Variants in KAZN observed in about 807,000 individuals in gnomAD.
KAZN encodes the protein kazrin.
A neutral mutation model predicts 87.4 loss-of-function variants in KAZN; 40 were observed. That is an observed-to-expected ratio of 0.46 (90% CI 0.36 to 0.60). KAZN has a LOEUF of 0.60. Among genes scored for constraint, KAZN ranks in the 20% least tolerant of loss-of-function variants. The pLI, the probability that KAZN is intolerant of heterozygous loss-of-function variation, is 0.00. For missense variants in KAZN, 898 were observed against 1,073.9 expected (o/e 0.84, Z 2.29); for synonymous variants, 466 against 458.3 (o/e 1.02, Z -0.22).
At chr1:14,761,597 A>G (rs1644740212) in intron 1 of KAZN, among the ~76,000 whole-genome samples, 1 of 152,216 alleles carries the variant, frequency 6.6e-6, no homozygotes, top group African/African-American at 2.4e-5. Context: ...TGAACCACGG[A>G]AAACATTAGA....
intron 1 of KAZN, among the ~76,000 whole-genome samples, chr1:14,886,538 T>C (rs1167161119): frequency 6.6e-6 from 1 of 151,962 alleles, no homozygotes; most frequent in African/African-American, 2.4e-5. Context: ...ACGCCTGTAA[T>C]CCCAGCACTT....
intron 1 of KAZN, among the ~76,000 whole-genome samples, chr1:13,997,179 A>T (rs1044538273): frequency 2.7e-5 from 4 of 150,634 alleles, no homozygotes; most frequent in African/African-American, 7.5e-5. Flanking sequence ...ATCATCAACA[A>T]CAACAACAAC....
intron 2 of KAZN, among the ~76,000 whole-genome samples, chr1:14,530,367 T>C (rs749026792): frequency 3.2e-4 from 49 of 152,210 alleles, no homozygotes; most frequent in Non-Finnish European, 6.9e-4. Context: ...GACTGCAGCC[T>C]TCCTAAGCCA....
chr1:14,569,524 G>A (rs553454981), intron 2 of KAZN, among the ~76,000 whole-genome samples: 22 of 151,360 alleles, frequency 1.5e-4, no homozygotes, highest in African/African-American at 4.8e-4. Flanking sequence ...GGGTTTCACC[G>A]TGTTAGCCAG....
intron 2 of KAZN, among the ~76,000 whole-genome samples, chr1:14,354,677 CACACACACACAA>C (rs1265334839): frequency 3.3e-5 from 5 of 150,182 alleles, no homozygotes; most frequent in Admixed American, 3.3e-4. Context: ...CACACACACA[CACACACACACAA>C]ACAAACCTGA....
intron 1 of KAZN, among the ~76,000 whole-genome samples, chr1:13,936,678 ATTC>A (rs2100954687): frequency 6.6e-6 from 1 of 152,288 alleles, no homozygotes; most frequent in African/African-American, 2.4e-5. Flanking sequence ...CTCCAGCTCT[ATTC>A]TTGTTGCTGC....
intron 1 of KAZN, among the ~76,000 whole-genome samples, chr1:14,663,499 T>A (rs2148720147): frequency 6.6e-6 from 1 of 152,312 alleles, no homozygotes; most frequent in South Asian, 2.1e-4. Context: ...TTCAGAGGTG[T>A]CTTTCTAGTA....
At chr1:15,038,988 G>A (rs998396419) in intron 3 of KAZN, among the ~76,000 whole-genome samples, 2 of 150,500 alleles carry the variant, frequency 1.3e-5, no homozygotes, top group Admixed American at 6.6e-5. Context: ...TGCACCTACT[G>A]TATACAGACA....
chr1:14,005,034 C>A (rs1461149297), intron 1 of KAZN, among the ~76,000 whole-genome samples: 1 of 152,094 alleles, frequency 6.6e-6, no homozygotes, highest in African/African-American at 2.4e-5. Context: ...TTTAGACTTT[C>A]CAGCCTCCAT....
intron 2 of KAZN, among the ~76,000 whole-genome samples, chr1:14,397,322 G>GT (rs1457010012): frequency 1.3e-5 from 2 of 152,188 alleles, no homozygotes; most frequent in Admixed American, 1.3e-4. Context: ...TTCTGGTGAA[G>GT]TTCCTCTTCC....
intron 2 of KAZN, among the ~76,000 whole-genome samples, chr1:14,985,425 G>A (rs1459853725): frequency 2.6e-5 from 4 of 151,724 alleles, no homozygotes; most frequent in Non-Finnish European, 5.9e-5. Flanking sequence ...CCACACTCTG[G>A]GGGCTGAGGC....
intron 1 of KAZN, among the ~76,000 whole-genome samples, chr1:14,849,521 T>C (rs1261362042): frequency 6.6e-6 from 1 of 152,186 alleles, no homozygotes; most frequent in Non-Finnish European, 1.5e-5. Flanking sequence ...GCAGGGCTTA[T>C]GGGAATAGGG....
intron 1 of KAZN, among the ~76,000 whole-genome samples, chr1:14,885,051 G>A (rs1407187969): frequency 6.6e-6 from 1 of 152,196 alleles, no homozygotes; most frequent in Non-Finnish European, 1.5e-5. Context: ...ATGCCTGGGA[G>A]GGAGCTATTA....
intron 2 of KAZN, among the ~76,000 whole-genome samples, chr1:14,983,208 A>C (rs138977971): frequency 6.6e-6 from 1 of 152,030 alleles, no homozygotes; most frequent in South Asian, 2.1e-4. Context: ...CATTGTTCAC[A>C]CCAAGGTTCA....
At chr1:14,494,842 G>A (rs774902863) in intron 2 of KAZN, among the ~76,000 whole-genome samples, 7 of 152,188 alleles carry the variant, frequency 4.6e-5, no homozygotes, top group Non-Finnish European at 8.8e-5. Context: ...AACTATGGAA[G>A]GCATATTGCA....
At chr1:14,063,519 G>A (rs552332619) in intron 1 of KAZN, among the ~76,000 whole-genome samples, 3 of 152,166 alleles carry the variant, frequency 2.0e-5, no homozygotes, top group Non-Finnish European at 4.4e-5. Flanking sequence ...ATCAGGTTTG[G>A]AGGGTGATTC....
chr1:15,034,312 T>G (rs12129618), intron 2 of KAZN, among the ~76,000 whole-genome samples: 58,319 of 152,098 alleles, frequency 0.38, 12,796 homozygotes, highest in Admixed American at 0.49. Flanking sequence ...ACGGAAGAAA[T>G]GAGGCAGGAG....
intron 2 of KAZN, among the ~76,000 whole-genome samples, chr1:14,509,913 C>A (rs1670810672): frequency 1.3e-5 from 2 of 152,144 alleles, no homozygotes; most frequent in South Asian, 2.1e-4. Context: ...GCAAGCCATG[C>A]AAAAGCTGAA....
chr1:14,724,831 CA>C (rs1266409178), intron 1 of KAZN, among the ~76,000 whole-genome samples: 1 of 152,232 alleles, frequency 6.6e-6, no homozygotes. Context: ...AATTACTTCA[CA>C]AACTCCCTTC....
Sources: gnomAD v4.1 joint callset for allele counts (sites outside exome capture counted in the v4.1 genomes callset) on GRCh38, gnomAD v4.1.1 for gene constraint, MANE v1.5 for transcripts, NCBI Gene and HGNC (gene_info 2026-07-23, HGNC 2026-07-21) for gene names.